The following OSBPL8 variants were observed in gnomAD, a reference collection of about 807,000 sequenced individuals.
OSBPL8 encodes the protein oxysterol-binding protein-related protein 8.
In OSBPL8, 59 loss-of-function variants were observed where a neutral mutation model predicts 125.5. The observed-to-expected ratio is 0.47, with a 90% CI of 0.38 to 0.58. The LOEUF (loss-of-function observed/expected upper bound fraction) is 0.58. Among genes scored for constraint, OSBPL8 ranks in the 20% least tolerant of loss-of-function variants. The pLI is 0.00. For synonymous variants in OSBPL8, 330 were observed against 338.9 expected, an observed-to-expected ratio of 0.97 and a Z score of 0.29; for missense variants, 758 against 1,047.8, an observed-to-expected ratio of 0.72 and a Z score of 3.82.
rs888289631 is a variant in OSBPL8, at chr12:76,357,855, GT to G, written c.2434+850del. On this transcript the variant is annotated intron_variant, in intron 22 of 23. Transcript: ENST00000261183. Reference sequence around the variant, plus strand: ...AACTCAGTAGAGATTATGGCTTAAAGTTTTTTTTTTTTTGTCATGTCACAAA... The same window carrying G: ...AACTCAGTAGAGATTATGGCTTAAAGTTTTTTTTTTTTGTCATGTCACAAA... Among the ~76,000 whole-genome samples, 147 of 142,650 alleles carry G rather than the reference GT, an allele frequency of 1.0e-3. 1 individual carries two copies. The highest frequency in any genetic ancestry group is 3.0e-3 in the East Asian group (15 of 4,942). The allele number at this position is 142,650 out of a possible 152,430, so 93.6% of individuals were successfully genotyped here. A position where few individuals can be genotyped will look rare whatever the true frequency, so the allele number is the denominator to read the frequency against.
intron 4 of OSBPL8, among the ~76,000 whole-genome samples, chr12:76,438,635 TGGTTA>T (rs1168930943): frequency 1.3e-5 from 2 of 152,218 alleles, no homozygotes; most frequent in Admixed American, 1.3e-4. Context: ...TAACTTCACA[TGGTTA>T]GGAAAGATCA....
chr12:76,539,196 T>C (rs1950576309), intron 1 of OSBPL8, among the ~76,000 whole-genome samples: 1 of 152,036 alleles, frequency 6.6e-6, no homozygotes, highest in African/African-American at 2.4e-5. Context: ...AAAGTAAATT[T>C]AAATTAAAGC....
chr12:76,394,589 T>TA (rs982319876), intron 9 of OSBPL8, 56 bp downstream of exon 9: 89 of 1,299,002 alleles, frequency 6.9e-5, no homozygotes, highest in Admixed American at 2.3e-4. Flanking sequence ...AAAGTGGCAT[T>TA]AAAAAAACTC....
At chr12:76,552,149 G>A (rs1193893071) in intron 1 of OSBPL8, among the ~76,000 whole-genome samples, 1 of 152,030 alleles carries the variant, frequency 6.6e-6, no homozygotes. Context: ...CTAGTGGCAG[G>A]CACAGTGGCT....
At chr12:76,356,440 T>C (rs953860059) in intron 23 of OSBPL8, among the ~76,000 whole-genome samples, 186 bp downstream of exon 23, 4 of 152,144 alleles carry the variant, frequency 2.6e-5, no homozygotes, top group Non-Finnish European at 5.9e-5. Flanking sequence ...CTCTCCTTCC[T>C]TCCCAAGTAT....
At chr12:76,366,619 C>A (rs527779022) in intron 21 of OSBPL8, 1 of 443,114 alleles carries the variant, frequency 2.3e-6, no homozygotes, top group Admixed American at 2.5e-5. Flanking sequence ...CAGTTTCTCA[C>A]GGAATGAAGT....
chr12:76,502,482 G>C (rs995578925), intron 1 of OSBPL8, among the ~76,000 whole-genome samples: 2 of 152,156 alleles, frequency 1.3e-5, no homozygotes, highest in Non-Finnish European at 2.9e-5. Context: ...TGAGGTGAGC[G>C]ATCCTAATTA....
intron 3 of OSBPL8, among the ~76,000 whole-genome samples, chr12:76,459,091 G>T (rs1312804671): frequency 6.6e-6 from 1 of 152,104 alleles, no homozygotes; most frequent in Non-Finnish European, 1.5e-5. Context: ...AGACACACTG[G>T]ACTAGTAACC....
chr12:76,413,468 T>C (rs1868316520), intron 4 of OSBPL8, among the ~76,000 whole-genome samples: 1 of 152,244 alleles, frequency 6.6e-6, no homozygotes, highest in African/African-American at 2.4e-5. Context: ...ATGAATATTC[T>C]TGGAAATGTA....
intron 3 of OSBPL8, among the ~76,000 whole-genome samples, chr12:76,451,230 A>T (rs1268027311): frequency 2.0e-5 from 3 of 152,162 alleles, no homozygotes; most frequent in South Asian, 4.1e-4. Flanking sequence ...ATAATAATGA[A>T]AATACATATC....
intron 21 of OSBPL8, among the ~76,000 whole-genome samples, chr12:76,366,318 A>G (rs1464199448): frequency 6.6e-6 from 1 of 152,168 alleles, no homozygotes; most frequent in Admixed American, 6.6e-5. Context: ...GTGAGTTTCT[A>G]GGGATTTGTT....
At chr12:76,510,480 T>C (rs1483772061) in intron 1 of OSBPL8, among the ~76,000 whole-genome samples, 1 of 152,206 alleles carries the variant, frequency 6.6e-6, no homozygotes, top group East Asian at 1.9e-4. Flanking sequence ...TTTCCCATTA[T>C]CTCTGAACCA....
chr12:76,471,172 CTT>C (rs1292033526), intron 2 of OSBPL8, among the ~76,000 whole-genome samples: 2 of 152,144 alleles, frequency 1.3e-5, no homozygotes, highest in Non-Finnish European at 2.9e-5. Context: ...TTCTTCATCT[CTT>C]AAAAACAGAG....
At chr12:76,364,348 CA>C (rs1218708058) in intron 21 of OSBPL8, among the ~76,000 whole-genome samples, 1 of 152,090 alleles carries the variant, frequency 6.6e-6, no homozygotes, top group African/African-American at 2.4e-5. Flanking sequence ...ATGTCCTTTG[CA>C]GGGACATGGA....
At chr12:76,442,920 G>C (rs1196643104) in intron 4 of OSBPL8, among the ~76,000 whole-genome samples, 1 of 152,150 alleles carries the variant, frequency 6.6e-6, no homozygotes, top group Non-Finnish European at 1.5e-5. Flanking sequence ...TAAATTGTAT[G>C]AAAGAAAATC....
At chr12:76,507,106 T>C (rs1592812178) in intron 1 of OSBPL8, among the ~76,000 whole-genome samples, 1 of 151,668 alleles carries the variant, frequency 6.6e-6, no homozygotes, top group African/African-American at 2.4e-5. Context: ...TTAAATATAA[T>C]TACTAGTTGA....
chr12:76,377,556 A>G (rs2136226951), intron 16 of OSBPL8, among the ~76,000 whole-genome samples: 1 of 152,330 alleles, frequency 6.6e-6, no homozygotes, highest in East Asian at 1.9e-4. Flanking sequence ...TGTTGGTCAC[A>G]TAAATGTCTT....
chr12:76,455,727 C>T lies in OSBPL8; in HGVS notation c.79+4132G>A, dbSNP rs1038975095. Among the ~76,000 whole-genome samples the T allele has an allele frequency of 3.3e-5, 5 of 152,178 alleles. No homozygotes were observed. The East Asian group carries it at 9.6e-4, about 29-fold the overall frequency. ...AAAAGAGGCTAGGGAATATAAAAAT[C>T]ATTATGATTTCCTACATCAGTTACA... On this transcript the variant is annotated intron_variant, in intron 3 of 23. Coordinates refer to ENST00000261183, the MANE Select transcript of OSBPL8 (RefSeq NM_020841.5).
chr12:76,442,162 C>T (rs973252672), intron 4 of OSBPL8, among the ~76,000 whole-genome samples: 5 of 151,972 alleles, frequency 3.3e-5, no homozygotes, highest in African/African-American at 9.7e-5. Context: ...TTAATAAGGC[C>T]GGGCAAGAAT....
Sources: allele counts gnomAD v4.1 joint callset (sites outside exome capture counted in the v4.1 genomes callset), GRCh38; gene constraint gnomAD v4.1.1; transcripts MANE v1.5; gene names NCBI Gene and HGNC (gene_info 2026-07-23, HGNC 2026-07-21).